The following CDH13 variants were observed in gnomAD, a reference collection of about 807,000 sequenced individuals.
CDH13 encodes cadherin 13.
Under a neutral mutation model 63.8 loss-of-function variants are expected in CDH13, and 24 were observed. The observed-to-expected ratio is 0.38, with a 90% CI of 0.27 to 0.53. CDH13 has a LOEUF of 0.53. CDH13 is among the 20% of genes least tolerant of loss of function. CDH13 has a pLI of 0.85. For missense variants in CDH13, 1,049 were observed against 903.1 expected, an observed-to-expected ratio of 1.16 and a Z score of -2.07; for synonymous variants, 503 against 355.3, an observed-to-expected ratio of 1.42 and a Z score of -4.67.
At chr16:83,472,169 A>G (rs997433504) in intron 6 of CDH13, among the ~76,000 whole-genome samples, 6 of 152,180 alleles carry the variant, frequency 3.9e-5, no homozygotes, top group African/African-American at 1.4e-4. Context: ...CCCACTTAGT[A>G]CCGTTATACC....
At chr16:82,914,357 T>C (rs2041920803) in intron 2 of CDH13, among the ~76,000 whole-genome samples, 1 of 152,196 alleles carries the variant, frequency 6.6e-6, no homozygotes. Flanking sequence ...GACACTCTTA[T>C]TATCCCCATT....
chr16:82,686,237 A>G (rs567860709), intron 1 of CDH13, among the ~76,000 whole-genome samples: 1 of 152,332 alleles, frequency 6.6e-6, no homozygotes, highest in East Asian at 1.9e-4. Flanking sequence ...ATACTCTTGA[A>G]AGTAAATCAG....
intron 5 of CDH13, among the ~76,000 whole-genome samples, chr16:83,338,015 T>C (rs2090636104): frequency 6.6e-6 from 1 of 152,044 alleles, no homozygotes; most frequent in Admixed American, 6.6e-5. Context: ...CAGTCGGACC[T>C]AAGTTTGAGT....
At chr16:83,171,416 A>T (rs955406526) in intron 4 of CDH13, 1 of 941,756 alleles carries the variant, frequency 1.1e-6, no homozygotes, top group African/African-American at 1.6e-5. Context: ...ACAGTTGAAC[A>T]TGAGATTTGG....
intron 3 of CDH13, among the ~76,000 whole-genome samples, chr16:83,072,670 G>T (rs1343802586): frequency 6.6e-6 from 1 of 152,082 alleles, no homozygotes; most frequent in Non-Finnish European, 1.5e-5. Flanking sequence ...GGGTTTAATT[G>T]CCTCCAAGCT....
chr16:83,034,700 G>A (rs574886410), intron 3 of CDH13, among the ~76,000 whole-genome samples: 38 of 152,192 alleles, frequency 2.5e-4, no homozygotes, highest in Non-Finnish European at 5.9e-5. Flanking sequence ...AAAAGATACT[G>A]TCATCGTATT....
chr16:83,409,254 G>A (rs1231420250), intron 6 of CDH13, among the ~76,000 whole-genome samples: 1 of 152,084 alleles, frequency 6.6e-6, no homozygotes, highest in Admixed American at 6.6e-5. Context: ...ATGGGAGCTG[G>A]GGAGTGGATA....
At chr16:83,462,381 T>G (rs889452750) in intron 6 of CDH13, among the ~76,000 whole-genome samples, 1 of 152,224 alleles carries the variant, frequency 6.6e-6, no homozygotes, top group Non-Finnish European at 1.5e-5. Flanking sequence ...TTATCTTCCT[T>G]TCTCTGAATT....
chr16:83,219,718 A>G (rs2039640303), intron 5 of CDH13, among the ~76,000 whole-genome samples: 1 of 152,216 alleles, frequency 6.6e-6, no homozygotes, highest in Admixed American at 6.5e-5. Context: ...AGTCTATGTC[A>G]TAGCATATGG....
At chr16:82,674,440 C>T (rs16958123) in intron 1 of CDH13, among the ~76,000 whole-genome samples, 16,048 of 152,190 alleles carry the variant, frequency 0.11, 1,189 homozygotes, top group African/African-American at 0.2. Context: ...TGTTAGCAAT[C>T]CTCCAGACAG....
Position 83,435,528 on chromosome 16 carries a change from C to T in CDH13, c.782-50949C>T, listed in dbSNP as rs941817731. Among the ~76,000 whole-genome samples, 2 of 152,190 alleles carry T rather than the reference C, an allele frequency of 1.3e-5. 1 individual carries two copies. Among genetic ancestry groups the T allele is most frequent in the Non-Finnish European group, 2.9e-5 (2 of 68,046 alleles). On this transcript the variant is annotated intron_variant, in intron 6 of 13. Coordinates refer to ENST00000567109, the MANE Select transcript of CDH13 (RefSeq NM_001257.5). ...GCCCTGCTGCCTCTCTTCACTCTGT[C>T]TCATTCCACTCTCCCACGCCCACTG...
chr16:83,282,849 A>T (rs1011112368), intron 5 of CDH13, among the ~76,000 whole-genome samples: 1 of 152,154 alleles, frequency 6.6e-6, no homozygotes, highest in African/African-American at 2.4e-5. Context: ...CTGTTATTCT[A>T]TTGAGCAATT....
At chr16:83,261,313 A>C (rs1393446875) in intron 5 of CDH13, among the ~76,000 whole-genome samples, 1 of 152,162 alleles carries the variant, frequency 6.6e-6, no homozygotes, top group Non-Finnish European at 1.5e-5. Context: ...CGTTAACTTC[A>C]TCCCCTCGAT....
intron 3 of CDH13, among the ~76,000 whole-genome samples, chr16:83,119,555 C>T (rs1232513101): frequency 6.6e-6 from 1 of 152,230 alleles, no homozygotes; most frequent in African/African-American, 2.4e-5. Context: ...CTTTCCCATA[C>T]ACTGCTCTTC....
chr16:83,185,014 C>G (rs955394727), intron 4 of CDH13, among the ~76,000 whole-genome samples: 9 of 151,862 alleles, frequency 5.9e-5, no homozygotes, highest in Admixed American at 2.6e-4. Context: ...ATACACTTTC[C>G]TCTATCTTTC....
chr16:83,677,185 T>G (rs923291825), intron 9 of CDH13, among the ~76,000 whole-genome samples: 3 of 152,222 alleles, frequency 2.0e-5, no homozygotes, highest in African/African-American at 7.2e-5. Context: ...CCACATCATG[T>G]GCTCTCGTGG....
At chr16:83,102,122 T>G (rs945443685) in intron 3 of CDH13, among the ~76,000 whole-genome samples, 4 of 152,144 alleles carry the variant, frequency 2.6e-5, no homozygotes, top group Admixed American at 6.5e-5. Context: ...GAAGGGTCCA[T>G]GAGCCAAGGA....
At chr16:83,649,908 C>T (rs1774232506) in intron 8 of CDH13, among the ~76,000 whole-genome samples, 1 of 152,210 alleles carries the variant, frequency 6.6e-6, no homozygotes, top group African/African-American at 2.4e-5. Flanking sequence ...TAAGCTGGTC[C>T]AAAGCCCACA....
chr16:82,632,636 G>T (rs1908149266), intron 1 of CDH13, among the ~76,000 whole-genome samples: 1 of 152,172 alleles, frequency 6.6e-6, no homozygotes, highest in African/African-American at 2.4e-5. Context: ...TACCCTCTCT[G>T]TCAGCAGTCC....
Sources: gnomAD v4.1 joint callset for allele counts (sites outside exome capture counted in the v4.1 genomes callset) on GRCh38, gnomAD v4.1.1 for gene constraint, MANE v1.5 for transcripts, NCBI Gene and HGNC (gene_info 2026-07-23, HGNC 2026-07-21) for gene names.